HENMT1: variants seen among roughly 807,000 people sequenced by gnomAD.
HENMT1 encodes the protein small RNA 2'-O-methyltransferase.
Under a neutral mutation model 31.1 loss-of-function variants are expected in HENMT1, and 27 were observed. That is an observed-to-expected ratio of 0.87 (90% CI 0.64 to 1.20). The LOEUF is 1.20. Ranked by LOEUF, HENMT1 falls within the 50% of genes most tolerant of loss-of-function variation. The pLI, the probability that HENMT1 is intolerant of heterozygous loss-of-function variation, is 0.00. For missense variants in HENMT1, 438 were observed against 469.6 expected (o/e 0.93, Z 0.62); for synonymous variants, 167 against 172.2 (o/e 0.97, Z 0.24).
At chr1:108,653,476 T>C (rs1486816720) in intron 5 of HENMT1, among the ~76,000 whole-genome samples, 1 of 152,240 alleles carries the variant, frequency 6.6e-6, no homozygotes, top group Non-Finnish European at 1.5e-5. Context: ...GATTGCTAGA[T>C]CACATGGCAG....
intron 5 of HENMT1, among the ~76,000 whole-genome samples, chr1:108,652,714 GT>G (rs1295308516): frequency 2.6e-5 from 4 of 152,090 alleles, no homozygotes; most frequent in Non-Finnish European, 5.9e-5. Flanking sequence ...GGAGGCCGAG[GT>G]GGGCAGATTA....
rs1212351931 is a variant in HENMT1 at position 108,657,570 on chromosome 1, C to T, written c.31G>A (p.Val11Met). The change falls in exon 3 of 8, where the codon GTG becomes ATG. Residue 11 changes from valine to methionine, a missense_variant. Val to Met is a conservative substitution (Grantham distance 21). Coordinates refer to ENST00000651461, the MANE Select transcript of HENMT1 (RefSeq NM_001102592.2). MEENNLQCSS[V>M]VDGNFEEVPR... The stretch of plus-strand genomic sequence containing the variant: ...ACTTCTTCAAAATTACCGTCAACCA[C>T]ACTACTGCACTGAAGTTCACAAACA... 5 of 1,612,704 alleles carry T rather than the reference C, an allele frequency of 3.1e-6. No homozygotes were observed. Among genetic ancestry groups the T allele is most frequent in the South Asian group, 1.1e-5 (1 of 90,970 alleles).
Position 108,655,814 on chromosome 1 carries a change from TA to T in HENMT1, c.151-117del. 9.8e-6 allele frequency: 5 copies of T among 508,110 alleles called. No homozygotes were observed. In the East Asian group the frequency reaches 1.8e-4, roughly 18 times the overall value. The allele number at this position is 508,110 out of a possible 1,614,324, so 31.5% of individuals were successfully genotyped here. On this transcript the variant is annotated intron_variant, in intron 3 of 7. Coordinates refer to ENST00000651461, the MANE Select transcript of HENMT1 (RefSeq NM_001102592.2). Reference sequence around the variant, plus strand: ...TATATCAGTAATAAAATAATGAAAGTATTATATGGAAGGATCTTTTTGGCAG... The same window carrying T: ...TATATCAGTAATAAAATAATGAAAGTTTATATGGAAGGATCTTTTTGGCAG...
rs1295244673 is a variant in HENMT1 at position 108,648,752 on chromosome 1, G to C, written c.996C>G (p.Pro332=). The C allele has an allele frequency of 3.1e-6, 5 of 1,614,176 alleles. No homozygotes were observed. Among genetic ancestry groups the C allele is most frequent in the Non-Finnish European group, 4.2e-6 (5 of 1,180,000 alleles). The stretch of plus-strand genomic sequence containing the variant: ...CGAAAAATTTATCTCCAACACAGAA[G>C]GGTGTGGGAGAGTTCTCTATCTTGG... The part of the protein sequence containing the change: ...EKAKIENSPT[P]FCVGDKFFVP... The change falls in exon 8 of 8, where the codon CCC becomes CCG. Residue 332 remains proline (P), a synonymous_variant. Coordinates refer to ENST00000651461, the MANE Select transcript of HENMT1 (RefSeq NM_001102592.2).
In HENMT1 at chr1:108,654,647, C is replaced by A; in HGVS notation, c.398+69G>T. 5 of 1,497,262 alleles carry A rather than the reference C, an allele frequency of 3.3e-6. No individual in the cohort carries two copies. The South Asian group carries it at 4.8e-5, about 14-fold the overall frequency. The allele number at this position is 1,497,262 out of a possible 1,614,324, so 92.7% of individuals were successfully genotyped here. On this transcript the variant is annotated intron_variant, in intron 5 of 7. Coordinates refer to ENST00000651461, the MANE Select transcript of HENMT1 (RefSeq NM_001102592.2). ...ATCAAGACCTATTATATTTAGGACA[C>A]TAAGATCACTGAGACTTATTCAGGC...
At position 108,651,026 on chromosome 1, in the gene HENMT1, T is replaced by G; in HGVS notation, c.578+4A>C. On this transcript the variant is annotated splice_donor_region_variant and intron_variant, in intron 6 of 7. Coordinates refer to ENST00000651461, the MANE Select transcript of HENMT1 (RefSeq NM_001102592.2). ...CAAATAAACAAAAACCCTTCTGAAC[T>G]TACCAGGTCTGAAACTCCATTCTGG... The G allele has an allele frequency of 6.2e-7, 1 of 1,607,888 alleles. No homozygotes were observed. The highest frequency in any genetic ancestry group is 8.5e-7 in the Non-Finnish European group (1 of 1,175,646).
intron 5 of HENMT1, 21 bp from the exon 6 acceptor site, chr1:108,651,230 G>A (rs2100996374): frequency 6.3e-7 from 1 of 1,585,660 alleles, no homozygotes; most frequent in Non-Finnish European, 8.6e-7. Context: ...TAATGAGAAA[G>A]ACATAATAAA....
intron 1 of HENMT1, among the ~76,000 whole-genome samples, chr1:108,660,453 T>G (rs1658417241): frequency 6.6e-6 from 1 of 152,102 alleles, no homozygotes; most frequent in African/African-American, 2.4e-5. Context: ...TTTCCACACA[T>G]CGTCAAAATG....
intron 2 of HENMT1, among the ~76,000 whole-genome samples, chr1:108,659,618 A>T (rs1319485144): frequency 6.6e-6 from 1 of 152,230 alleles, no homozygotes; most frequent in Non-Finnish European, 1.5e-5. Context: ...ATTGGGGAAC[A>T]CTACTTAGAG....
rs373934956 is a variant in HENMT1, at chr1:108,654,879, T to C, written c.264-29A>G. On this transcript the variant is annotated intron_variant, in intron 4 of 7. Transcript: ENST00000651461. The stretch of plus-strand genomic sequence containing the variant: ...CAAAATAATTATTGAAGAAACTTTC[T>C]GAACATTATCTATTTAAAAATTCTC... 1.4e-5 allele frequency: 23 copies of C among 1,611,430 alleles called. No individual in the cohort carries two copies. In the African/African-American group the frequency reaches 3.1e-4, roughly 22 times the overall value.
chr1:108,651,696 A>G (rs929367486), intron 5 of HENMT1, among the ~76,000 whole-genome samples: 9 of 150,914 alleles, frequency 6.0e-5, no homozygotes, highest in Non-Finnish European at 7.4e-5. Context: ...AAAGAAAAGA[A>G]AGAGAGAGAG....
At chr1:108,658,065 A>G (rs1463621063) in intron 2 of HENMT1, among the ~76,000 whole-genome samples, 3 of 71,950 alleles carry the variant, frequency 4.2e-5, no homozygotes, top group Admixed American at 1.7e-4. Flanking sequence ...ACACACATAT[A>G]TATGTACACA....
intron 3 of HENMT1, 62 bp from the exon 4 acceptor site, chr1:108,655,760 CTT>C (rs1251548525): frequency 9.2e-7 from 1 of 1,084,900 alleles, no homozygotes; most frequent in Non-Finnish European, 1.4e-6. Context: ...TGATCAAAAA[CTT>C]TTTTTTGAGG....
chr1:108,654,951 T>C (rs999571010), intron 4 of HENMT1, 101 bp from the exon 5 acceptor site: 25 of 1,195,230 alleles, frequency 2.1e-5, no homozygotes, highest in Admixed American at 4.1e-5. Context: ...TCTACCTCTA[T>C]TGATATAAGT....
intron 7 of HENMT1, 32 bp from the exon 8 acceptor site, chr1:108,649,023 TATA>T (rs1657965933): frequency 3.3e-6 from 5 of 1,494,862 alleles, no homozygotes; most frequent in Non-Finnish European, 4.5e-6. Context: ...CTTACAAGTG[TATA>T]ATAATATAAA....
chr1:108,648,846 G>C lies in HENMT1; in HGVS notation c.902C>G (p.Pro301Arg). The change falls in exon 8 of 8, where the codon CCC (proline) becomes CGC (arginine). Residue 301 changes from proline to arginine, a missense_variant. Physicochemically the swap from Pro to Arg is moderately radical, Grantham distance 103 (BLOSUM62 -2). Transcript: ENST00000651461. ...KEQAGERGDK[P>R]KDIGGSKAPV... is the part of the protein sequence containing the mutation. ...GGCCTTTGAGCCACCAATGTCTTTG[G>C]GCTTATCACCCCGTTCCCCAGCCTG... The C allele has an allele frequency of 6.2e-7, 1 of 1,614,114 alleles. No homozygotes were observed.
Position 108,654,849 on chromosome 1 carries a change from C to T in HENMT1, c.265G>A (p.Asp89Asn), listed in dbSNP as rs1658169555. ...TCCCCCAGGAAAGGAGCTAACGAAT[C>T]CCTGCAAAATAATTATTGAAGAAAC... ...INEDKLRWRGDSLAPFLGDFL... is the reference protein window; with the variant it reads ...INEDKLRWRGNSLAPFLGDFL... The change falls in exon 5 of 8, where the codon GAT (aspartate) becomes AAT (asparagine). Residue 89 changes from aspartate (D) to asparagine (N), a missense_variant and splice_region_variant. Coordinates refer to ENST00000651461, the MANE Select transcript of HENMT1 (RefSeq NM_001102592.2). 3.1e-6 allele frequency: 5 copies of T among 1,613,936 alleles called. No homozygotes were observed. The East Asian group carries it at 1.1e-4, about 36-fold the overall frequency.
intron 5 of HENMT1, among the ~76,000 whole-genome samples, chr1:108,653,033 T>G (rs1471868470): frequency 1.5e-5 from 2 of 137,796 alleles, no homozygotes; most frequent in African/African-American, 5.7e-5. Flanking sequence ...TATACATCCC[T>G]TTTTTTTTTT....
intron 5 of HENMT1, among the ~76,000 whole-genome samples, chr1:108,653,518 ACT>A (rs1359887156): frequency 3.3e-5 from 5 of 152,186 alleles, no homozygotes; most frequent in South Asian, 2.1e-4. Flanking sequence ...AAACCTCCAC[ACT>A]GTTTTCAATA....
Sources: allele counts gnomAD v4.1 joint callset (sites outside exome capture counted in the v4.1 genomes callset), GRCh38; gene constraint gnomAD v4.1.1; transcripts MANE v1.5; gene names NCBI Gene and HGNC (gene_info 2026-07-23, HGNC 2026-07-21).